The following DAAM2 variants were observed in gnomAD, a reference collection of about 807,000 sequenced individuals.
DAAM2 encodes disheveled-associated activator of morphogenesis 2.
A neutral mutation model predicts 120.7 loss-of-function variants in DAAM2; 39 were observed. The observed-to-expected ratio is 0.32, with a 90% CI of 0.25 to 0.42. DAAM2 has a LOEUF of 0.42. Ranked by LOEUF, DAAM2 falls within the 10% of genes least tolerant of loss-of-function variation. The pLI, the probability that DAAM2 is intolerant of heterozygous loss-of-function variation, is 1.00. For missense variants in DAAM2, 1,283 were observed against 1,401.7 expected, an observed-to-expected ratio of 0.92 and a Z score of 1.35; for synonymous variants, 488 against 524.9, an observed-to-expected ratio of 0.93 and a Z score of 0.96.
chr6:39,850,182 G>T (rs1434653860), intron 1 of DAAM2, among the ~76,000 whole-genome samples: 2 of 152,172 alleles, frequency 1.3e-5, no homozygotes, highest in Non-Finnish European at 2.9e-5. Context: ...TGAAGCCACT[G>T]GTCAGGACTC....
At position 39,901,519 on chromosome 6, in the gene DAAM2, T is replaced by C; in HGVS notation, c.2982+47T>C. On this transcript the variant is annotated intron_variant, in intron 24 of 24. Coordinates refer to ENST00000274867, the MANE Select transcript of DAAM2 (RefSeq NM_001201427.2). This position sits in a 1 kb window ranked among gnomAD's most constrained non-coding sequence, Gnocchi z 4.5. ...GGGACTGAGGGGAGACGGGTGCTAC[T>C]TGGGGAGAACACCCCCAAACTGGGG... 2 of 1,568,880 alleles carry C rather than the reference T, an allele frequency of 1.3e-6. No individual in the cohort carries two copies. Among genetic ancestry groups the C allele is most frequent in the Non-Finnish European group, 1.7e-6 (2 of 1,162,114 alleles).
At chr6:39,877,614 G>A (rs183446158) in intron 11 of DAAM2, among the ~76,000 whole-genome samples, 15 of 152,268 alleles carry the variant, frequency 9.9e-5, no homozygotes, top group Non-Finnish European at 1.9e-4. Flanking sequence ...TTGGGATCTC[G>A]CTTTGGGATT....
intron 14 of DAAM2, among the ~76,000 whole-genome samples, chr6:39,881,301 CTT>C: frequency 6.6e-6 from 1 of 152,168 alleles, no homozygotes; most frequent in Non-Finnish European, 1.5e-5. Context: ...GGTGAACGGT[CTT>C]TGAATAACAT....
intron 1 of DAAM2, among the ~76,000 whole-genome samples, chr6:39,812,765 T>C (rs1476323985): frequency 6.6e-6 from 1 of 152,080 alleles, no homozygotes; most frequent in Non-Finnish European, 1.5e-5. Flanking sequence ...CCTGCCTGCC[T>C]CTGTCCTCCT....
intron 1 of DAAM2, among the ~76,000 whole-genome samples, chr6:39,806,814 A>G (rs1447061048): frequency 6.8e-6 from 1 of 147,612 alleles, no homozygotes; most frequent in East Asian, 2.0e-4. Flanking sequence ...TCACAAGGAG[A>G]CTCTGTTTTA....
At chr6:39,891,757 G>C in intron 19 of DAAM2, 35 bp downstream of exon 19, 2 of 1,535,826 alleles carry the variant, frequency 1.3e-6, no homozygotes, top group African/African-American at 1.4e-5. Flanking sequence ...TTAGAGTGGA[G>C]AGTTATCTGA....
In DAAM2 at chr6:39,901,584, C is replaced by A; in HGVS notation, c.2982+112C>A. 8.1e-7 allele frequency: 1 copy of A among 1,240,878 alleles called. No homozygotes were observed. Among genetic ancestry groups the A allele is most frequent in the South Asian group, 1.5e-5 (1 of 67,100 alleles). The allele number at this position is 1,240,878 out of a possible 1,614,324, so 76.9% of individuals were successfully genotyped here. A position where few individuals can be genotyped will look rare whatever the true frequency, so the allele number is the denominator to read the frequency against. On this transcript the variant is annotated intron_variant, in intron 24 of 24. Transcript: ENST00000274867. This position sits in a 1 kb window ranked among gnomAD's most constrained non-coding sequence, Gnocchi z 4.5. ...GCAGAGACTGAGGAACTGAGGAACA[C>A]CATAGGGGTTGGATGTCAGCCCCAG...
intron 1 of DAAM2, among the ~76,000 whole-genome samples, chr6:39,806,019 C>T (rs1339047087): frequency 6.6e-6 from 1 of 152,114 alleles, no homozygotes; most frequent in Admixed American, 6.5e-5. Flanking sequence ...ACATGTGGTC[C>T]TTACTCTCAA....
intron 2 of DAAM2, among the ~76,000 whole-genome samples, chr6:39,858,143 G>A (rs1764079815): frequency 6.6e-6 from 1 of 152,078 alleles, no homozygotes; most frequent in African/African-American, 2.4e-5. Context: ...AAGGAGCTGG[G>A]TCCTTTTGGG....
intron 15 of DAAM2, chr6:39,886,425 T>C: frequency 2.5e-6 from 1 of 399,440 alleles, no homozygotes; most frequent in Non-Finnish European, 4.4e-6. Context: ...GCCTAGGAGC[T>C]GATAACTAAT....
Position 39,840,405 on chromosome 6 carries a change from A to C in DAAM2, c.-56-15842A>C, listed in dbSNP as rs552236803. On this transcript the variant is annotated intron_variant, in intron 1 of 24. Coordinates refer to ENST00000274867, the MANE Select transcript of DAAM2 (RefSeq NM_001201427.2). ...CGGAGTTTCTTGTGAGAATTAAGTG[A>C]GATAGTACATATAAAATACCTGGCA... Among the ~76,000 whole-genome samples the C allele has an allele frequency of 7.2e-5, 11 of 152,348 alleles. No homozygotes were observed. In the South Asian group the frequency reaches 2.3e-3, roughly 32 times the overall value.
intron 1 of DAAM2, among the ~76,000 whole-genome samples, chr6:39,855,153 G>A (rs1445371399): frequency 6.6e-6 from 1 of 152,228 alleles, no homozygotes; most frequent in African/African-American, 2.4e-5. Context: ...TGGCTGGGTA[G>A]CAGTTTGGTG....
chr6:39,831,022 C>T (rs1173691290), intron 1 of DAAM2, among the ~76,000 whole-genome samples: 1 of 152,186 alleles, frequency 6.6e-6, no homozygotes, highest in Non-Finnish European at 1.5e-5. Context: ...GCATCATCTC[C>T]ATTTCTCAGA....
intron 1 of DAAM2, among the ~76,000 whole-genome samples, chr6:39,835,598 G>A (rs1186829005): frequency 6.6e-6 from 1 of 152,218 alleles, no homozygotes; most frequent in Admixed American, 6.5e-5. Flanking sequence ...TGGAATGAGT[G>A]GCTGAATGAA....
At chr6:39,900,327 G>A in intron 23 of DAAM2, 119 bp downstream of exon 23, 1 of 1,216,106 alleles carries the variant, frequency 8.2e-7, no homozygotes, top group Admixed American at 2.6e-5. Context: ...AGCTTTGAGA[G>A]AAAACCGTTT....
At chr6:39,823,302 C>T (rs1480030118) in intron 1 of DAAM2, 1 of 152,182 alleles carries the variant, frequency 6.6e-6, no homozygotes, top group Non-Finnish European at 1.5e-5. Flanking sequence ...GTTCAACATC[C>T]TCCTCTCCTG....
Position 39,871,530 on chromosome 6 carries a change from G to A in DAAM2, c.1002G>A (p.Val334=). 6.4e-7 allele frequency: 1 copy of A among 1,551,542 alleles called. No homozygotes were observed. Residue 334 remains valine, a synonymous_variant, in exon 9 of 25, where the codon GTG becomes GTA. Coordinates refer to ENST00000274867, the MANE Select transcript of DAAM2 (RefSeq NM_001201427.2). ...GACATTTAGACTTCTTCGAGATGGT[G>A]CGGAATGAGGATGACCTGGAGCTAG... ...LDKHLDFFEM[V]RNEDDLELAR...
intron 1 of DAAM2, among the ~76,000 whole-genome samples, chr6:39,804,915 T>C (rs6930601): frequency 0.019 from 2,933 of 152,282 alleles, 54 homozygotes; most frequent in African/African-American, 0.042. Flanking sequence ...TCAGGTGTTG[T>C]GGAGTGAATT....
chr6:39,854,890 G>A (rs1031085836), intron 1 of DAAM2, among the ~76,000 whole-genome samples: 1 of 152,130 alleles, frequency 6.6e-6, no homozygotes, highest in Admixed American at 6.5e-5. Context: ...AAACTTCCCT[G>A]GCATTCCTAG....
Sources: gnomAD v4.1 joint callset for allele counts (sites outside exome capture counted in the v4.1 genomes callset) on GRCh38, gnomAD v4.1.1 for gene constraint, Gnocchi (gnomAD v3.1) non-coding constraint, MANE v1.5 for transcripts, NCBI Gene and HGNC (gene_info 2026-07-23, HGNC 2026-07-21) for gene names.